ERBIN: variants seen among roughly 807,000 people sequenced by gnomAD.
The protein encoded by ERBIN is erbb2 interacting protein.
A neutral mutation model predicts 158.4 loss-of-function variants in ERBIN; 60 were observed. The observed-to-expected ratio is 0.38, with a 90% CI of 0.31 to 0.47. ERBIN has a LOEUF of 0.47. ERBIN is among the 20% of genes least tolerant of loss of function. The pLI is 0.99. For synonymous variants in ERBIN, 594 were observed against 557.2 expected (o/e 1.07, Z -0.93); for missense variants, 1,610 against 1,648.0 (o/e 0.98, Z 0.40).
intron 4 of ERBIN, among the ~76,000 whole-genome samples, chr5:66,002,577 T>C (rs984477342): frequency 6.6e-6 from 1 of 152,214 alleles, no homozygotes; most frequent in African/African-American, 2.4e-5. Context: ...CAGATCCTTC[T>C]GTCTAATATG....
intron 13 of ERBIN, 81 bp downstream of exon 13, chr5:66,026,498 A>G (rs998369510): frequency 1.4e-5 from 9 of 644,480 alleles, no homozygotes; most frequent in Middle Eastern, 8.0e-4. Context: ...ATATAATAGA[A>G]TAGCTAGTGC....
rs1284543148 is a variant in ERBIN at position 66,044,217 on chromosome 5, T to C, written c.1509T>C (p.His503=). ...TCAAAACTGTTCAAACCATTGTACA[T>C]AGATTAAAAGATGAAGAGACCAATG... ...NMVKTVQTIV[H]RLKDEETNED... The change falls in exon 17 of 26, where the codon CAT becomes CAC. Residue 503 remains histidine, a synonymous_variant. Transcript: ENST00000284037. 1.2e-6 allele frequency: 2 copies of C among 1,612,152 alleles called. No homozygotes were observed. Among genetic ancestry groups the C allele is most frequent in the Non-Finnish European group, 1.7e-6 (2 of 1,179,218 alleles).
intron 5 of ERBIN, among the ~76,000 whole-genome samples, chr5:66,012,492 GTTTC>G (rs998780235): frequency 2.4e-4 from 37 of 152,180 alleles, no homozygotes; most frequent in Middle Eastern, 3.4e-3. Context: ...GAAACCAAAA[GTTTC>G]TTCACAGTTT....
intron 21 of ERBIN, among the ~76,000 whole-genome samples, chr5:66,056,659 GT>G (rs1759612846): frequency 6.6e-6 from 1 of 152,080 alleles, no homozygotes; most frequent in African/African-American, 2.4e-5. Flanking sequence ...GTGTGAATTA[GT>G]TGATTGAAAC....
intron 21 of ERBIN, among the ~76,000 whole-genome samples, chr5:66,061,143 G>C (rs1345239432): frequency 2.0e-5 from 3 of 152,064 alleles, no homozygotes; most frequent in African/African-American, 7.3e-5. Flanking sequence ...TTGACAGTGG[G>C]GTGTTAAAGT....
Position 66,054,247 on chromosome 5 carries a change from T to C in ERBIN, c.2929T>C (p.Tyr977His), listed in dbSNP as rs924651574. The change falls in exon 21 of 26, where the codon TAT (tyrosine) becomes CAT (histidine). Residue 977 changes from tyrosine (Y) to histidine (H), a missense_variant. This residue lies in a region of ERBIN where 1,014 missense variants were observed against 936.1 expected (regional missense o/e 1.08). Coordinates refer to ENST00000284037, the MANE Select transcript of ERBIN (RefSeq NM_001253697.2). ...ACCTCAAATATATGGTCCTCCACAG[T>C]ATAATATCCAATACAGTAGCAGTGC... The part of the protein sequence containing the change: ...SAPQIYGPPQ[Y>H]NIQYSSSAAV... 6.2e-7 allele frequency: 1 copy of C among 1,614,104 alleles called. No individual in the cohort carries two copies. The highest frequency in any genetic ancestry group is 8.5e-7 in the Non-Finnish European group (1 of 1,180,014).
intron 13 of ERBIN, among the ~76,000 whole-genome samples, chr5:66,026,960 A>G (rs1259784145): frequency 2.0e-5 from 3 of 151,998 alleles, no homozygotes; most frequent in Admixed American, 6.6e-5. Flanking sequence ...TCTGGTTTCA[A>G]CAAAGCCAAG....
chr5:66,006,981 G>T (rs1419979379), intron 4 of ERBIN, among the ~76,000 whole-genome samples: 2 of 87,554 alleles, frequency 2.3e-5, no homozygotes, highest in Non-Finnish European at 4.9e-5. Context: ...AGTCAGTGTG[G>T]CGATTCCTTA....
chr5:65,929,235 A>G (rs939802573), intron 1 of ERBIN, among the ~76,000 whole-genome samples: 1 of 152,230 alleles, frequency 6.6e-6, no homozygotes, highest in Non-Finnish European at 1.5e-5. Flanking sequence ...TATTTTACAC[A>G]TTGTTGGTAT....
chr5:65,996,037 A>G (rs1752396841), intron 4 of ERBIN, among the ~76,000 whole-genome samples: 1 of 152,210 alleles, frequency 6.6e-6, no homozygotes, highest in East Asian at 1.9e-4. Flanking sequence ...ATAGCTTGCA[A>G]ACATTTTCTC....
Position 66,061,433 on chromosome 5 carries a change from G to A in ERBIN, c.3633+6482G>A, listed in dbSNP as rs183956342. 2.0e-5 allele frequency among the ~76,000 whole-genome samples: 3 copies of A among 152,236 alleles called. No individual in the cohort carries two copies. In the East Asian group the frequency reaches 5.8e-4, roughly 29 times the overall value. On this transcript the variant is annotated intron_variant, in intron 21 of 25. Transcript: ENST00000284037. ...CCATCCGTTTGTTTTGAGCCTATGT[G>A]TGTCCTTGCATGTGAGATGGGTTTC... is the stretch of plus-strand genomic sequence containing the variant.
chr5:65,994,887 TTTTTTGTAC>T, intron 4 of ERBIN, 23 bp downstream of exon 4: 4 of 1,396,628 alleles, frequency 2.9e-6, no homozygotes, highest in Non-Finnish European at 4.0e-6. Context: ...TTGCCCATAA[TTTTTTGTAC>T]TTGGGAACAT....
At position 66,005,883 on chromosome 5, in the gene ERBIN, A is replaced by G. The variant is rs867766299; in HGVS notation, c.308-6166A>G. 5.3e-5 allele frequency among the ~76,000 whole-genome samples: 8 copies of G among 152,184 alleles called. No individual in the cohort carries two copies. The South Asian group carries it at 6.2e-4, about 12-fold the overall frequency. On this transcript the variant is annotated intron_variant, in intron 4 of 25. Transcript: ENST00000284037. The stretch of plus-strand genomic sequence containing the variant: ...AAGGAGAACTACAAACCACTACTCA[A>G]TGAAATAAAAGAGCATACAAACAAA...
chr5:66,025,362 C>T lies in ERBIN; in HGVS notation c.818-118C>T, dbSNP rs554952085. On this transcript the variant is annotated intron_variant, in intron 10 of 25. Transcript: ENST00000284037. ...TTGGGAGTGGTATCTCTTTTAGATA[C>T]GTTTGTTAGGAAAGTTGTTTCTAAT... 1.7e-4 allele frequency: 132 copies of T among 768,086 alleles called. 1 individual carries two copies. The Middle Eastern group carries it at 2.7e-3, about 16-fold the overall frequency. The allele number at this position is 768,086 out of a possible 1,614,324, so 47.6% of individuals were successfully genotyped here. A position where few individuals can be genotyped will look rare whatever the true frequency, so the allele number is the denominator to read the frequency against.
In ERBIN at chr5:66,012,062, T is replaced by A. The variant is rs376511451; in HGVS notation, c.321T>A (p.Phe107Leu). The A allele has an allele frequency of 6.2e-7, 1 of 1,602,668 alleles. No homozygotes were observed. The highest frequency in any genetic ancestry group is 1.7e-5 in the Admixed American group (1 of 58,968). ...TTTGTTTTCTAGGAATACAGGAGTT[T>A]CCAGAAAATATAAAAAATTGTAAAG... ...LDVSKNGIQE[F>L]PENIKNCKVL... Residue 107 changes from phenylalanine to leucine, a missense_variant, in exon 5 of 26, where the codon TTT becomes TTA. Around this residue, in one of 2 missense-constraint regions of ERBIN, gnomAD observed 596 missense variants for 711.9 expected, o/e 0.84. Coordinates refer to ENST00000284037, the MANE Select transcript of ERBIN (RefSeq NM_001253697.2).
chr5:65,952,608 C>T (rs1279115478), intron 1 of ERBIN, among the ~76,000 whole-genome samples: 2 of 151,828 alleles, frequency 1.3e-5, no homozygotes, highest in Non-Finnish European at 2.9e-5. Flanking sequence ...AGATACTTTC[C>T]CTGAAAAGGT....
intron 4 of ERBIN, among the ~76,000 whole-genome samples, chr5:65,999,841 T>G (rs912200112): frequency 6.6e-6 from 1 of 152,224 alleles, no homozygotes; most frequent in Non-Finnish European, 1.5e-5. Context: ...TGGTGGTGCC[T>G]GATACATTCC....
intron 4 of ERBIN, among the ~76,000 whole-genome samples, chr5:66,007,026 A>G (rs961174245): frequency 2.0e-5 from 3 of 149,498 alleles, no homozygotes; most frequent in Admixed American, 6.6e-5. Flanking sequence ...TGACCCAGCA[A>G]TCCCATTACT....
chr5:66,047,277 T>C (rs543870967), intron 18 of ERBIN, among the ~76,000 whole-genome samples: 1 of 152,224 alleles, frequency 6.6e-6, no homozygotes, highest in East Asian at 1.9e-4. Flanking sequence ...TGTGTTCAAG[T>C]TTTTGTATGT....
Sources: allele counts gnomAD v4.1 joint callset (sites outside exome capture counted in the v4.1 genomes callset), GRCh38; gene constraint gnomAD v4.1.1; regional missense constraint gnomAD v4.1.1; transcripts MANE v1.5; gene names NCBI Gene and HGNC (gene_info 2026-07-23, HGNC 2026-07-21).